Variants in STAB2 observed in about 807,000 individuals in gnomAD.
STAB2 encodes the protein stabilin 2.
Under a neutral mutation model 338.1 loss-of-function variants are expected in STAB2, and 288 were observed. The ratio of observed to expected loss-of-function variants is 0.85; its 90% CI spans 0.77 to 0.94. The LOEUF is 0.94. STAB2 is among the 40% of genes least tolerant of loss of function. The probability of loss-of-function intolerance (pLI) is 0.00; values close to 1 mark genes in which losing one functional copy is unlikely to be tolerated. For missense variants in STAB2, 3,141 were observed against 3,210.1 expected (o/e 0.98, Z 0.52); for synonymous variants, 1,202 against 1,193.3 (o/e 1.01, Z -0.15).
chr12:103,705,312 A>C (rs987061062), intron 36 of STAB2, among the ~76,000 whole-genome samples: 1 of 152,236 alleles, frequency 6.6e-6, no homozygotes, highest in African/African-American at 2.4e-5. Flanking sequence ...CAGTTGAGTC[A>C]ATGTACGGTG....
chr12:103,622,599 C>G (rs1217570850), intron 5 of STAB2, among the ~76,000 whole-genome samples: 3 of 152,228 alleles, frequency 2.0e-5, no homozygotes, highest in Non-Finnish European at 4.4e-5. Context: ...TATGGAAGTA[C>G]AGAGTCCTTA....
intron 31 of STAB2, among the ~76,000 whole-genome samples, chr12:103,693,610 G>GA (rs1443620108): frequency 6.6e-6 from 1 of 151,852 alleles, no homozygotes; most frequent in African/African-American, 2.4e-5. Flanking sequence ...AGGCCCTAAG[G>GA]AAAAAAGTGG....
chr12:103,709,991 C>T (rs1208617808), intron 39 of STAB2, among the ~76,000 whole-genome samples: 1 of 152,162 alleles, frequency 6.6e-6, no homozygotes, highest in Admixed American at 6.5e-5. Context: ...CACTAACATA[C>T]CTAACATATT....
intron 9 of STAB2, among the ~76,000 whole-genome samples, chr12:103,645,827 C>T (rs1317002688): frequency 6.6e-6 from 1 of 151,562 alleles, no homozygotes. Context: ...AGTAGATCCC[C>T]ATCTCGGTTG....
chr12:103,677,315 A>G (rs1218312459), intron 24 of STAB2, 138 bp from the exon 25 acceptor site: 2 of 1,230,854 alleles, frequency 1.6e-6, no homozygotes, highest in Non-Finnish European at 2.2e-6. Context: ...ATGAATCTCA[A>G]TGTAAATTAA....
intron 33 of STAB2, among the ~76,000 whole-genome samples, chr12:103,696,494 G>A (rs905854906): frequency 5.3e-5 from 8 of 152,152 alleles, no homozygotes; most frequent in African/African-American, 1.9e-4. Context: ...ATCAGCTTAT[G>A]GTAGTCTTAA....
At chr12:103,731,102 G>A (rs1208849747) in intron 49 of STAB2, among the ~76,000 whole-genome samples, 1 of 152,086 alleles carries the variant, frequency 6.6e-6, no homozygotes. Flanking sequence ...CACGAAGGGT[G>A]AACACCTAAC....
At position 103,742,532 on chromosome 12, in the gene STAB2, G is replaced by T; in HGVS notation, c.6009G>T (p.Gly2003=). ...CGGCGTGTGAGATGTGCTGGCCGGG[G>T]AGATTCGGGCCTGATTGTCTGCGTA... is the stretch of plus-strand genomic sequence containing the variant. The part of the protein sequence containing the change: ...NGTACEMCWP[G]RFGPDCLPCG... The change falls in exon 56 of 69, where the codon GGG becomes GGT. Residue 2003 remains glycine (G), a synonymous_variant. Transcript: ENST00000388887. The T allele has an allele frequency of 1.9e-6, 3 of 1,614,166 alleles. No homozygotes were observed. Among genetic ancestry groups the T allele is most frequent in the South Asian group, 1.1e-5 (1 of 91,080 alleles).
intron 57 of STAB2, 115 bp from the exon 58 acceptor site, chr12:103,746,482 C>A: frequency 1.1e-6 from 1 of 893,882 alleles, no homozygotes; most frequent in Non-Finnish European, 1.8e-6. Context: ...TCCTGCTGTA[C>A]AGGGGCACTT....
In STAB2 at chr12:103,720,360, G is replaced by A. The variant is rs1333224135; in HGVS notation, c.4683+2519G>A. ...TCTATTGCAAGATTGTAAAATTATA[G>A]GCCATCAGGGGCCAGGCAGGGAATA... On this transcript the variant is annotated intron_variant, in intron 44 of 68. Coordinates refer to ENST00000388887, the MANE Select transcript of STAB2 (RefSeq NM_017564.10). Among the ~76,000 whole-genome samples the A allele has an allele frequency of 5.3e-5, 8 of 152,110 alleles. No individual in the cohort carries two copies. In the East Asian group the frequency reaches 1.5e-3, roughly 29 times the overall value.
At chr12:103,703,012 A>G (rs76648746) in intron 34 of STAB2, 136 bp from the exon 35 acceptor site, 8 of 1,044,052 alleles carry the variant, frequency 7.7e-6, no homozygotes, top group East Asian at 2.7e-5. Flanking sequence ...TCTTTCCAAT[A>G]CAAGTGACTA....
At chr12:103,650,926 C>A (rs1182068873) in intron 11 of STAB2, among the ~76,000 whole-genome samples, 1 of 152,116 alleles carries the variant, frequency 6.6e-6, no homozygotes. Context: ...AGAAGATTTG[C>A]TTAAAGCAAA....
At chr12:103,726,065 G>C in intron 45 of STAB2, 51 bp from the exon 46 acceptor site, 1 of 1,605,106 alleles carries the variant, frequency 6.2e-7, no homozygotes, top group Non-Finnish European at 8.5e-7. Flanking sequence ...ACCCTGTATT[G>C]TTCTAATATA....
At chr12:103,755,561 C>G in intron 62 of STAB2, 51 bp from the exon 63 acceptor site, 1 of 1,611,256 alleles carries the variant, frequency 6.2e-7, no homozygotes, top group Non-Finnish European at 8.5e-7. Context: ...AGCAGTGCAG[C>G]CCTGGCCCCT....
rs1593297488 is a variant in STAB2 at position 103,733,070 on chromosome 12, C to A, written c.5348C>A (p.Thr1783Asn). The A allele has an allele frequency of 6.2e-7, 1 of 1,614,154 alleles. No homozygotes were observed. Residue 1783 changes from threonine to asparagine, a missense_variant, in exon 51 of 69, where the codon ACC (threonine) becomes AAC (asparagine). Coordinates refer to ENST00000388887, the MANE Select transcript of STAB2 (RefSeq NM_017564.10). ...IHTPVTLFWP[T>N]DQALHALPAE... ...ACCCCAGTCACTCTCTTCTGGCCCA[C>A]CGACCAAGCCCTCCATGCCCTACCT...
At chr12:103,670,654 C>T (rs748182648) in intron 21 of STAB2, 42 bp from the exon 22 acceptor site, 3 of 1,489,414 alleles carry the variant, frequency 2.0e-6, no homozygotes, top group Non-Finnish European at 2.8e-6. Context: ...CACCTGAGAA[C>T]TATGTGTCCT....
chr12:103,761,390 A>G lies in STAB2; in HGVS notation c.7339A>G (p.Lys2447Glu), dbSNP rs369025161. Reference sequence around the variant, plus strand: ...CATTCATGTCATTTCCAGGCCTTTAAAAGCACCCCCTGCCCCCGTGGTGAG... The same window carrying G: ...CATTCATGTCATTTCCAGGCCTTTAGAAGCACCCCCTGCCCCCGTGGTGAG... ...GIIHVISRPL[K>E]APPAPVTLTH... Residue 2447 changes from lysine (K) to glutamate (E), a missense_variant, in exon 66 of 69, where the codon AAA becomes GAA. By Grantham distance (56) the Lys-to-Glu change is moderately conservative. Transcript: ENST00000388887. The G allele has an allele frequency of 6.2e-7, 1 of 1,613,646 alleles. No homozygotes were observed. The highest frequency in any genetic ancestry group is 1.3e-5 in the African/African-American group (1 of 74,860).
intron 57 of STAB2, 147 bp downstream of exon 57, chr12:103,745,424 C>G: frequency 1.5e-6 from 1 of 674,642 alleles, no homozygotes; most frequent in Non-Finnish European, 2.4e-6. Context: ...AGATCTGTAG[C>G]CCCGGGCCTC....
chr12:103,694,874 G>A (rs1398678908), intron 31 of STAB2, among the ~76,000 whole-genome samples: 2 of 151,998 alleles, frequency 1.3e-5, no homozygotes, highest in African/African-American at 4.8e-5. Flanking sequence ...TAGATCAGAT[G>A]GATAACAAAA....
Sources: gnomAD v4.1 joint callset for allele counts (sites outside exome capture counted in the v4.1 genomes callset) on GRCh38, gnomAD v4.1.1 for gene constraint, MANE v1.5 for transcripts, NCBI Gene and HGNC (gene_info 2026-07-23, HGNC 2026-07-21) for gene names.